VAV2: variants seen among roughly 807,000 people sequenced by gnomAD.
VAV2 encodes the protein guanine nucleotide exchange factor VAV2.
A neutral mutation model predicts 132.5 loss-of-function variants in VAV2; 67 were observed. The ratio of observed to expected loss-of-function variants is 0.51; its 90% CI spans 0.42 to 0.62. The LOEUF (loss-of-function observed/expected upper bound fraction) is 0.62, where lower values mean the gene tolerates loss of function less well. VAV2 is among the 20% of genes least tolerant of loss of function. The probability of loss-of-function intolerance (pLI) is 0.00; values close to 1 mark genes in which losing one functional copy is unlikely to be tolerated. For missense variants in VAV2, 938 were observed against 1,153.6 expected, an observed-to-expected ratio of 0.81 and a Z score of 2.71; for synonymous variants, 492 against 443.5, an observed-to-expected ratio of 1.11 and a Z score of -1.37.
intron 17 of VAV2, 54 bp downstream of exon 17, chr9:133,785,722 C>G: frequency 6.5e-7 from 1 of 1,544,764 alleles, no homozygotes; most frequent in East Asian, 2.3e-5. Flanking sequence ...TGGGCTTCCA[C>G]CCCCCATACA....
intron 1 of VAV2, among the ~76,000 whole-genome samples, chr9:133,949,338 C>T (rs1841478449): frequency 6.6e-6 from 1 of 152,216 alleles, no homozygotes. Flanking sequence ...CTCCTGGCCA[C>T]TCCCACCCCC....
chr9:133,894,759 C>T (rs570846557), intron 2 of VAV2, among the ~76,000 whole-genome samples: 1 of 152,318 alleles, frequency 6.6e-6, no homozygotes, highest in Non-Finnish European at 1.5e-5. Flanking sequence ...TCCTGGCGCC[C>T]ACCCTGGACC....
chr9:133,981,025 C>G (rs1180982350), intron 1 of VAV2, among the ~76,000 whole-genome samples: 1 of 152,228 alleles, frequency 6.6e-6, no homozygotes, highest in East Asian at 1.9e-4. Context: ...AGGACTAGCA[C>G]AGCTTGCTGT....
intron 7 of VAV2, among the ~76,000 whole-genome samples, chr9:133,808,212 A>G (rs547043287): frequency 6.6e-6 from 1 of 152,318 alleles, no homozygotes; most frequent in African/African-American, 2.4e-5. Context: ...AGGGAACTGG[A>G]AGGACCTGGG....
chr9:133,874,491 C>T (rs1334168042), intron 2 of VAV2, among the ~76,000 whole-genome samples: 1 of 152,192 alleles, frequency 6.6e-6, no homozygotes, highest in African/African-American at 2.4e-5. Flanking sequence ...GAGGCAAGGC[C>T]GGAGACCATG....
chr9:133,953,779 TC>T (rs766077612), intron 1 of VAV2, among the ~76,000 whole-genome samples: 15 of 151,604 alleles, frequency 9.9e-5, no homozygotes, highest in East Asian at 9.8e-4. Flanking sequence ...GAAACCCAGC[TC>T]CCATGACCCC....
chr9:133,865,701 G>A (rs1162360588), intron 2 of VAV2, among the ~76,000 whole-genome samples: 1 of 152,086 alleles, frequency 6.6e-6, no homozygotes, highest in Non-Finnish European at 1.5e-5. Flanking sequence ...CCTCCCACAT[G>A]CTGATTTGTT....
intron 2 of VAV2, among the ~76,000 whole-genome samples, chr9:133,867,077 G>T (rs948774348): frequency 6.6e-6 from 1 of 152,148 alleles, no homozygotes; most frequent in African/African-American, 2.4e-5. Flanking sequence ...AGGAGGACAC[G>T]CCCCTGCAGG....
chr9:133,904,260 C>A (rs531690373), intron 2 of VAV2, among the ~76,000 whole-genome samples: 1 of 152,190 alleles, frequency 6.6e-6, no homozygotes, highest in South Asian at 2.1e-4. Context: ...CTGGGAGACC[C>A]CTCTAGAGAA....
intron 1 of VAV2, among the ~76,000 whole-genome samples, chr9:133,950,125 A>C (rs527245213): frequency 9.8e-5 from 15 of 152,322 alleles, no homozygotes; most frequent in African/African-American, 3.6e-4. Flanking sequence ...TCAAGAAAAG[A>C]GAGACACTCT....
chr9:133,782,363 G>T (rs1023669807), intron 19 of VAV2, among the ~76,000 whole-genome samples: 4 of 152,074 alleles, frequency 2.6e-5, no homozygotes, highest in African/African-American at 9.7e-5. Context: ...GGGCACAGCT[G>T]AAAAGCTGCG....
chr9:133,783,519 T>C lies in VAV2; in HGVS notation c.1707A>G (p.Ile569Met). The change falls in exon 19 of 30, where the codon ATA becomes ATG. Residue 569 changes from isoleucine (I) to methionine (M), a missense_variant. Transcript: ENST00000371850. Reference sequence around the variant, plus strand: ...GGTACTCACTGAACTTGCAGGGAGGTATCACTTCCAGGCACTCCTTGTGTG... The same window carrying C: ...GGTACTCACTGAACTTGCAGGGAGGCATCACTTCCAGGCACTCCTTGTGTG... ...VGAHKECLEVIPPCKFTSPAD... is the reference protein window; with the variant it reads ...VGAHKECLEVMPPCKFTSPAD... 1.2e-6 allele frequency: 2 copies of C among 1,613,214 alleles called. No homozygotes were observed. Among genetic ancestry groups the C allele is most frequent in the Non-Finnish European group, 1.7e-6 (2 of 1,179,790 alleles).
intron 4 of VAV2, among the ~76,000 whole-genome samples, chr9:133,818,906 A>G (rs1216305301): frequency 1.3e-5 from 2 of 151,988 alleles, no homozygotes; most frequent in Non-Finnish European, 2.9e-5. Flanking sequence ...CATGATGCCC[A>G]GCTAATTGTT....
intron 4 of VAV2, among the ~76,000 whole-genome samples, chr9:133,825,206 C>CGGGGGGGGGGGGGGGG (rs1564382078): frequency 6.4e-5 from 7 of 109,332 alleles, no homozygotes; most frequent in African/African-American, 1.2e-4. Flanking sequence ...GGTGGGGGGG[C>CGGGGGGGGGGGGGGGG]GGGGGACAAA....
chr9:133,867,494 C>CGT (rs1284845041), intron 2 of VAV2, among the ~76,000 whole-genome samples: 1 of 152,234 alleles, frequency 6.6e-6, no homozygotes, highest in Non-Finnish European at 1.5e-5. Flanking sequence ...CTCTGACCCT[C>CGT]GTCAAGCCTC....
In VAV2 at chr9:133,796,457, C is replaced by T. The variant is rs775492722; in HGVS notation, c.1004G>A (p.Arg335Lys). 2 of 1,613,764 alleles carry T rather than the reference C, an allele frequency of 1.2e-6. No homozygotes were observed. Among genetic ancestry groups the T allele is most frequent in the Admixed American group, 1.7e-5 (1 of 59,992 alleles). The change falls in exon 11 of 30, where the codon AGG becomes AAG. Residue 335 changes from arginine to lysine, a missense_variant. By Grantham distance (26) the Arg-to-Lys change is conservative. Coordinates refer to ENST00000371850, the MANE Select transcript of VAV2 (RefSeq NM_001134398.2). ...LQDLLVVPMQ[R>K]VLKYHLLLKE... is the part of the protein sequence containing the mutation. ...CAAGAGCAGGTGGTATTTGAGCACC[C>T]TCTGCATGGGGACCACCAGCAGGTC...
intron 2 of VAV2, among the ~76,000 whole-genome samples, chr9:133,862,150 G>A (rs997770411): frequency 3.3e-5 from 5 of 152,246 alleles, no homozygotes; most frequent in South Asian, 4.1e-4. Flanking sequence ...CCCCCTAACC[G>A]GCCTGCCCCG....
In VAV2 at chr9:133,787,255, G is replaced by C; in HGVS notation, c.1413C>G (p.His471Gln). ...GGCGCTAGGTGCTTACCATTTTCCC[G>C]TGAGACTAGGAAGCATGGAGAGGAG... ...PMNNKDVKKSHGKMWSYGFYL... is the reference protein window; with the variant it reads ...PMNNKDVKKSQGKMWSYGFYL... The change falls in exon 16 of 30, where the codon CAC becomes CAG. Residue 471 changes from histidine (H) to glutamine (Q), a missense_variant. His to Gln is a conservative substitution (Grantham distance 24). Coordinates refer to ENST00000371850, the MANE Select transcript of VAV2 (RefSeq NM_001134398.2). 6.3e-7 allele frequency: 1 copy of C among 1,587,466 alleles called. No individual in the cohort carries two copies. The highest frequency in any genetic ancestry group is 1.3e-5 in the African/African-American group (1 of 74,230).
chr9:133,813,708 C>G (rs1835446229), intron 4 of VAV2, among the ~76,000 whole-genome samples: 1 of 152,246 alleles, frequency 6.6e-6, no homozygotes, highest in African/African-American at 2.4e-5. Flanking sequence ...TTCTGCACCA[C>G]TACAGTCGTG....
Sources: allele counts gnomAD v4.1 joint callset (sites outside exome capture counted in the v4.1 genomes callset), GRCh38; gene constraint gnomAD v4.1.1; transcripts MANE v1.5; gene names NCBI Gene and HGNC (gene_info 2026-07-23, HGNC 2026-07-21).